The following AMPH variants were observed in gnomAD, a reference collection of about 807,000 sequenced individuals.
AMPH encodes amphiphysin (Stiff-Mann syndrome with breast cancer 128kD autoantigen).
AMPH carries 49 observed loss-of-function variants against 99.1 expected under a neutral mutation model. The observed-to-expected ratio is 0.49, with a 90% CI of 0.39 to 0.63. AMPH has a LOEUF of 0.63. AMPH is among the 20% of genes least tolerant of loss of function. The pLI is 0.00. For synonymous variants in AMPH, 314 were observed against 317.3 expected, an observed-to-expected ratio of 0.99 and a Z score of 0.11; for missense variants, 759 against 863.4, an observed-to-expected ratio of 0.88 and a Z score of 1.52.
At position 38,550,604 on chromosome 7, in the gene AMPH, C is replaced by T. The variant is rs143537725; in HGVS notation, c.70-15593G>A. 1.3e-3 allele frequency among the ~76,000 whole-genome samples: 193 copies of T among 152,188 alleles called. 1 individual carries two copies. Among genetic ancestry groups the T allele is most frequent in the African/African-American group, 4.4e-3 (182 of 41,510 alleles). On this transcript the variant is annotated intron_variant, in intron 1 of 20. Transcript: ENST00000356264. ...GTCATTTTGTTACATGGATATACTG[C>T]GTAGTGGTGATGTCTGGGCTTCCAG...
chr7:38,413,828 A>C (rs970340569), intron 17 of AMPH, among the ~76,000 whole-genome samples: 1 of 152,218 alleles, frequency 6.6e-6, no homozygotes, highest in East Asian at 1.9e-4. Flanking sequence ...CTGATCTTCA[A>C]TGTCTTCTTC....
chr7:38,573,321 A>T (rs1323869808), intron 1 of AMPH, among the ~76,000 whole-genome samples: 1 of 151,970 alleles, frequency 6.6e-6, no homozygotes, highest in Non-Finnish European at 1.5e-5. Flanking sequence ...CTTTTGTATT[A>T]TTGTAAACTG....
At chr7:38,426,711 A>C (rs1785792984) in intron 15 of AMPH, among the ~76,000 whole-genome samples, 1 of 152,224 alleles carries the variant, frequency 6.6e-6, no homozygotes, top group Admixed American at 6.5e-5. Flanking sequence ...GTCAGGGAGA[A>C]CTTAGTGTGT....
chr7:38,523,935 T>TAA (rs3999867), intron 2 of AMPH, among the ~76,000 whole-genome samples: 106,969 of 151,646 alleles, frequency 0.71, 37,932 homozygotes, highest in East Asian at 0.8. Context: ...TTATTAATTT[T>TAA]GAGAGAAAAT....
chr7:38,435,117 G>T (rs1427675335), intron 12 of AMPH, among the ~76,000 whole-genome samples: 1 of 152,288 alleles, frequency 6.6e-6, no homozygotes, highest in African/African-American at 2.4e-5. Context: ...TAATACAGGA[G>T]GCTTCCTGGA....
At chr7:38,581,989 G>C (rs1015403705) in intron 1 of AMPH, among the ~76,000 whole-genome samples, 22 of 152,080 alleles carry the variant, frequency 1.4e-4, no homozygotes, top group African/African-American at 5.3e-4. Context: ...TAGGCAGCTG[G>C]ATACACAGAT....
In AMPH at chr7:38,436,130, C is replaced by A. The variant is rs1199526126; in HGVS notation, c.1134+142G>T. On this transcript the variant is annotated intron_variant, in intron 12 of 20. Transcript: ENST00000356264. ...TGATATAGATAAGGTCCCCTTTCTA[C>A]CCCTCTTTCCTATTAGGAAATATCT... The A allele has an allele frequency of 1.6e-5, 10 of 637,098 alleles. No homozygotes were observed. In the East Asian group the frequency reaches 2.7e-4, roughly 17 times the overall value. The allele number at this position is 637,098 out of a possible 1,614,324, so 39.5% of individuals were successfully genotyped here.
chr7:38,556,729 C>G (rs4427070), intron 1 of AMPH, among the ~76,000 whole-genome samples: 57,320 of 152,018 alleles, frequency 0.38, 10,961 homozygotes, highest in Non-Finnish European at 0.42. Context: ...CATTTGGTAT[C>G]TGTTTCCCAA....
intron 1 of AMPH, among the ~76,000 whole-genome samples, chr7:38,555,130 A>C (rs1187527367): frequency 6.6e-6 from 1 of 152,140 alleles, no homozygotes; most frequent in Middle Eastern, 3.2e-3. Context: ...AAGAGTTAGA[A>C]TCTCAAGTGG....
At chr7:38,567,715 T>C (rs1359832194) in intron 1 of AMPH, among the ~76,000 whole-genome samples, 1 of 152,248 alleles carries the variant, frequency 6.6e-6, no homozygotes, top group Non-Finnish European at 1.5e-5. Flanking sequence ...GCTTATGTTT[T>C]AGCTGCTTTG....
intron 2 of AMPH, among the ~76,000 whole-genome samples, chr7:38,526,465 G>A (rs536759020): frequency 4.4e-4 from 50 of 114,678 alleles, no homozygotes; most frequent in African/African-American, 1.3e-3. Flanking sequence ...CAGTAGAGAC[G>A]GAGTTTTGCC....
Position 38,383,715 on chromosome 7 carries a change from G to A in AMPH, c.*1103C>T, listed in dbSNP as rs1784278894. 2.0e-5 allele frequency: 3 copies of A among 149,232 alleles called. No homozygotes were observed. The highest frequency in any genetic ancestry group is 2.0e-4 in the East Asian group (1 of 5,112). The allele number at this position is 149,232 out of a possible 1,614,324, so 9.2% of individuals were successfully genotyped here. On this transcript the variant is annotated 3_prime_UTR_variant, in exon 21 of 21. Coordinates refer to ENST00000356264, the MANE Select transcript of AMPH (RefSeq NM_001635.4). ...CTCATCAAAAGGAATTAGGGTAATCGTTGAAGATTACCAAAGGTTTATTTG... is the reference window on the plus strand; with the variant it reads ...CTCATCAAAAGGAATTAGGGTAATCATTGAAGATTACCAAAGGTTTATTTG...
chr7:38,514,661 C>A (rs541925307), intron 2 of AMPH, among the ~76,000 whole-genome samples: 10 of 152,298 alleles, frequency 6.6e-5, no homozygotes, highest in Middle Eastern at 3.4e-3. Context: ...TGAGTTTGGC[C>A]TGACTTCTTT....
intron 14 of AMPH, 38 bp downstream of exon 14, chr7:38,429,804 T>A: frequency 6.3e-7 from 1 of 1,591,178 alleles, no homozygotes; most frequent in Non-Finnish European, 8.6e-7. Context: ...GCATATCAAA[T>A]ACCAAAAAAA....
chr7:38,593,256 C>G (rs191706347), intron 1 of AMPH, among the ~76,000 whole-genome samples: 171 of 152,236 alleles, frequency 1.1e-3, no homozygotes, highest in South Asian at 5.4e-3. Flanking sequence ...CTACTTCACT[C>G]TAGTGAAGCA....
At chr7:38,620,548 TACACACACACAC>T (rs201765719) in intron 1 of AMPH, among the ~76,000 whole-genome samples, 9,999 of 133,132 alleles carry the variant, frequency 0.075, 376 homozygotes, top group South Asian at 0.15. Flanking sequence ...TATACATACA[TACACACACACAC>T]ACACACACAC....
chr7:38,566,608 G>T (rs533001657), intron 1 of AMPH, among the ~76,000 whole-genome samples: 2 of 152,034 alleles, frequency 1.3e-5, no homozygotes, highest in East Asian at 1.9e-4. Flanking sequence ...GAGTGAACAG[G>T]CAACCTACAG....
At chr7:38,534,897 T>C (rs1214074707) in intron 2 of AMPH, 34 bp downstream of exon 2, 2 of 1,578,252 alleles carry the variant, frequency 1.3e-6, no homozygotes, top group East Asian at 2.2e-5. Context: ...ATTTAAACAA[T>C]TTCCCACTCC....
chr7:38,535,433 A>G (rs1367629636), intron 1 of AMPH, among the ~76,000 whole-genome samples: 3 of 152,106 alleles, frequency 2.0e-5, no homozygotes, highest in Non-Finnish European at 2.9e-5. Context: ...GCATTCATCC[A>G]CTTCAGTGGT....
Sources: gnomAD v4.1 joint callset for allele counts (sites outside exome capture counted in the v4.1 genomes callset) on GRCh38, gnomAD v4.1.1 for gene constraint, MANE v1.5 for transcripts, NCBI Gene and HGNC (gene_info 2026-07-23, HGNC 2026-07-21) for gene names.